The following SPIDR variants were observed in gnomAD, a reference collection of about 807,000 sequenced individuals.
SPIDR encodes the protein DNA repair-scaffolding protein.
SPIDR carries 93 observed loss-of-function variants against 104.6 expected under a neutral mutation model. The observed-to-expected ratio is 0.89, with a 90% CI of 0.75 to 1.06. SPIDR has a LOEUF of 1.06. Ranked by LOEUF, SPIDR falls within the 50% of genes least tolerant of loss-of-function variation. SPIDR has a pLI of 0.00. For synonymous variants in SPIDR, 431 were observed against 416.9 expected (o/e 1.03, Z -0.41); for missense variants, 1,154 against 1,111.2 (o/e 1.04, Z -0.55).
At chr8:47,711,597 T>C (rs987794242) in intron 14 of SPIDR, among the ~76,000 whole-genome samples, 3 of 152,130 alleles carry the variant, frequency 2.0e-5, no homozygotes, top group Non-Finnish European at 4.4e-5. Context: ...TCATTGCCTC[T>C]CTGCCCTCTC....
At chr8:47,662,080 C>A (rs1351085073) in intron 10 of SPIDR, among the ~76,000 whole-genome samples, 1 of 152,240 alleles carries the variant, frequency 6.6e-6, no homozygotes, top group African/African-American at 2.4e-5. Flanking sequence ...CACCTACTCA[C>A]CTCCTCCGAA....
At chr8:47,333,577 C>G (rs1290779540) in intron 5 of SPIDR, among the ~76,000 whole-genome samples, 2 of 152,130 alleles carry the variant, frequency 1.3e-5, no homozygotes. Flanking sequence ...TCTGGGATTA[C>G]AGGCATGAGC....
At chr8:47,678,690 C>T (rs1483039349) in intron 11 of SPIDR, among the ~76,000 whole-genome samples, 1 of 152,132 alleles carries the variant, frequency 6.6e-6, no homozygotes, top group African/African-American at 2.4e-5. Flanking sequence ...AGAACAAGCT[C>T]CCAGGCCCAC....
At chr8:47,364,258 A>G (rs888968343) in intron 5 of SPIDR, among the ~76,000 whole-genome samples, 5 of 152,116 alleles carry the variant, frequency 3.3e-5, no homozygotes, top group Non-Finnish European at 5.9e-5. Flanking sequence ...GCCTTCTTGG[A>G]CAGCAAGCCA....
At chr8:47,712,991 C>G in intron 15 of SPIDR, 119 bp downstream of exon 15, 1 of 1,500,806 alleles carries the variant, frequency 6.7e-7, no homozygotes, top group Non-Finnish European at 8.8e-7. Flanking sequence ...TTCACGGAGC[C>G]CATCACAGAC....
At chr8:47,531,045 G>A (rs1484453962) in intron 8 of SPIDR, among the ~76,000 whole-genome samples, 4 of 151,956 alleles carry the variant, frequency 2.6e-5, no homozygotes, top group Non-Finnish European at 4.4e-5. Flanking sequence ...CAAGTAGTTA[G>A]GACTCCAGGC....
At chr8:47,503,976 G>A (rs928544092) in intron 8 of SPIDR, among the ~76,000 whole-genome samples, 1 of 152,178 alleles carries the variant, frequency 6.6e-6, no homozygotes, top group African/African-American at 2.4e-5. Flanking sequence ...ACTCTCTTCT[G>A]GCTTGTAGAG....
At chr8:47,732,294 G>A (rs1056294308) in intron 19 of SPIDR, 14 of 678,584 alleles carry the variant, frequency 2.1e-5, no homozygotes, top group African/African-American at 8.8e-5. Flanking sequence ...CTGAGTGCAC[G>A]TGTGTGCACA....
intron 7 of SPIDR, among the ~76,000 whole-genome samples, chr8:47,431,328 G>A (rs1220136701): frequency 6.6e-6 from 1 of 152,316 alleles, no homozygotes; most frequent in Non-Finnish European, 1.5e-5. Context: ...CTGAAGGTTA[G>A]GACTTCAACA....
At chr8:47,454,386 C>G (rs1042085093) in intron 8 of SPIDR, among the ~76,000 whole-genome samples, 1 of 151,674 alleles carries the variant, frequency 6.6e-6, no homozygotes, top group Non-Finnish European at 1.5e-5. Context: ...GACAAAAAAC[C>G]AAACACCGCA....
chr8:47,500,421 T>G (rs1314503485), intron 8 of SPIDR, among the ~76,000 whole-genome samples: 1 of 152,206 alleles, frequency 6.6e-6, no homozygotes, highest in Admixed American at 6.5e-5. Context: ...TCATGTGTCT[T>G]TTGGCTGCAT....
chr8:47,608,669 T>C (rs1275316888), intron 10 of SPIDR, among the ~76,000 whole-genome samples: 3 of 152,244 alleles, frequency 2.0e-5, no homozygotes, highest in South Asian at 2.1e-4. Context: ...GGGTATCTCA[T>C]TGTGGCTTTG....
intron 7 of SPIDR, among the ~76,000 whole-genome samples, chr8:47,434,292 C>G (rs2067884244): frequency 1.3e-5 from 2 of 152,152 alleles, no homozygotes; most frequent in South Asian, 4.1e-4. Context: ...TCATGATTCT[C>G]TGTGTGTGTA....
chr8:47,437,389 C>A (rs1213491611), intron 7 of SPIDR, among the ~76,000 whole-genome samples: 8 of 152,018 alleles, frequency 5.3e-5, no homozygotes, highest in South Asian at 2.1e-4. Context: ...TGATGCTTTC[C>A]AATTTCATCC....
chr8:47,613,083 C>G (rs2063808344), intron 10 of SPIDR, among the ~76,000 whole-genome samples: 3 of 152,182 alleles, frequency 2.0e-5, no homozygotes, highest in African/African-American at 7.2e-5. Context: ...GTACTACCAA[C>G]TCTATATCAT....
intron 8 of SPIDR, among the ~76,000 whole-genome samples, chr8:47,446,448 C>T (rs2070633876): frequency 6.6e-6 from 1 of 152,116 alleles, no homozygotes; most frequent in Non-Finnish European, 1.5e-5. Flanking sequence ...CCTAGTCAGC[C>T]AAGAGCTCTA....
At chr8:47,646,545 G>A (rs528521334) in intron 10 of SPIDR, among the ~76,000 whole-genome samples, 1 of 152,146 alleles carries the variant, frequency 6.6e-6, no homozygotes, top group Non-Finnish European at 1.5e-5. Context: ...ATTATGGCAC[G>A]TGCTCATAGT....
At chr8:47,605,897 A>G (rs575686743) in intron 10 of SPIDR, among the ~76,000 whole-genome samples, 1 of 152,346 alleles carries the variant, frequency 6.6e-6, no homozygotes, top group South Asian at 2.1e-4. Flanking sequence ...TCGCATTACA[A>G]ATCAGCACTC....
intron 8 of SPIDR, among the ~76,000 whole-genome samples, chr8:47,509,295 C>T (rs1696402871): frequency 6.6e-6 from 1 of 152,200 alleles, no homozygotes; most frequent in South Asian, 2.1e-4. Context: ...GCAGCATCTG[C>T]AATGCTGGCC....
Sources: gnomAD v4.1 joint callset for allele counts (sites outside exome capture counted in the v4.1 genomes callset) on GRCh38, gnomAD v4.1.1 for gene constraint, MANE v1.5 for transcripts, NCBI Gene and HGNC (gene_info 2026-07-23, HGNC 2026-07-21) for gene names.